ZYG11B: variants seen among roughly 807,000 people sequenced by gnomAD.
The protein encoded by ZYG11B is zyg-11 family member B, cell cycle regulator, also known as protein zyg-11 homolog B.
In ZYG11B, 36 loss-of-function variants were observed where a neutral mutation model predicts 82.4. The observed-to-expected ratio is 0.44, with a 90% CI of 0.33 to 0.58. The LOEUF (loss-of-function observed/expected upper bound fraction) is 0.58. Ranked by LOEUF, ZYG11B falls within the 20% of genes least tolerant of loss-of-function variation. The probability of loss-of-function intolerance (pLI) is 0.02; values close to 1 mark genes in which losing one functional copy is unlikely to be tolerated. For missense variants in ZYG11B, 552 were observed against 895.6 expected, an observed-to-expected ratio of 0.62 and a Z score of 4.90; for synonymous variants, 303 against 312.8, an observed-to-expected ratio of 0.97 and a Z score of 0.33.
At chr1:52,758,761 A>G (rs955636967) in intron 2 of ZYG11B, among the ~76,000 whole-genome samples, 27 of 152,176 alleles carry the variant, frequency 1.8e-4, no homozygotes, top group Non-Finnish European at 2.6e-4. Context: ...AAAGTTTCTC[A>G]TGCCAGCAGT....
intron 12 of ZYG11B, among the ~76,000 whole-genome samples, chr1:52,814,227 G>T (rs1645206003): frequency 6.6e-6 from 1 of 152,096 alleles, no homozygotes; most frequent in African/African-American, 2.4e-5. Flanking sequence ...CACCATGTTG[G>T]CCAGGCTGGT....
chr1:52,776,086 G>A (rs1442699380), intron 3 of ZYG11B, among the ~76,000 whole-genome samples: 3 of 148,506 alleles, frequency 2.0e-5, no homozygotes, highest in East Asian at 2.0e-4. Flanking sequence ...GGGCGTGGTG[G>A]CGCATGCCTG....
chr1:52,816,079 A>G (rs1288128970), intron 12 of ZYG11B, among the ~76,000 whole-genome samples: 1 of 152,132 alleles, frequency 6.6e-6, no homozygotes, highest in African/African-American at 2.4e-5. Flanking sequence ...TGTTTGGTTC[A>G]TAAATGCTGA....
intron 3 of ZYG11B, among the ~76,000 whole-genome samples, chr1:52,773,618 TA>T (rs1644775270): frequency 1.2e-4 from 3 of 25,822 alleles, no homozygotes; most frequent in Admixed American, 5.1e-4. Flanking sequence ...TATATATATA[TA>T]TATATATATT....
At chr1:52,739,035 G>T (rs1466209685) in intron 1 of ZYG11B, among the ~76,000 whole-genome samples, 1 of 122,964 alleles carries the variant, frequency 8.1e-6, no homozygotes, top group South Asian at 2.6e-4. Flanking sequence ...AGGCTGGAGC[G>T]CAGTGACACG....
At chr1:52,794,451 A>G (rs12047347) in intron 6 of ZYG11B, among the ~76,000 whole-genome samples, 16,370 of 152,184 alleles carry the variant, frequency 0.11, 1,960 homozygotes, top group East Asian at 0.35. Context: ...ATCTACCTGA[A>G]AATAATCATT....
rs1311146117 is a variant in ZYG11B at position 52,823,193 on chromosome 1, C to G, written c.*1564C>G. 2 of 151,982 alleles carry G rather than the reference C, an allele frequency of 1.3e-5. No individual in the cohort carries two copies. The highest frequency in any genetic ancestry group is 1.3e-4 in the Admixed American group (2 of 15,242). The allele number at this position is 151,982 out of a possible 1,614,324, so 9.4% of individuals were successfully genotyped here. A position where few individuals can be genotyped will look rare whatever the true frequency, so the allele number is the denominator to read the frequency against. ...TTAGGTCTGGATGCAGTGGCTCATG[C>G]TTGTAATCCCAGCACTTTGGGAAGC... On this transcript the variant is annotated 3_prime_UTR_variant, in exon 14 of 14. Transcript: ENST00000294353.
At chr1:52,819,767 C>CA (rs1173094475) in intron 13 of ZYG11B, among the ~76,000 whole-genome samples, 1 of 142,546 alleles carries the variant, frequency 7.0e-6, no homozygotes, top group Non-Finnish European at 1.5e-5. Flanking sequence ...GCCTGGGCGA[C>CA]AGAGTGAGAC....
intron 2 of ZYG11B, 71 bp from the exon 3 acceptor site, chr1:52,770,949 A>G (rs540683210): frequency 1.3e-5 from 20 of 1,507,120 alleles, no homozygotes; most frequent in Middle Eastern, 1.9e-4. Flanking sequence ...TTGGAAATGT[A>G]AAGTGTGATG....
chr1:52,797,064 T>TTATATATATAAATTTTTATATATTATATA (rs1645020825), intron 8 of ZYG11B, among the ~76,000 whole-genome samples: 1 of 79,638 alleles, frequency 1.3e-5, no homozygotes, highest in Non-Finnish European at 2.0e-5. Context: ...TTATATATAT[T>TTATATATATAAATTTTTATATATTATATA]TATATATTAT....
chr1:52,736,557 A>G (rs1644380314), intron 1 of ZYG11B, among the ~76,000 whole-genome samples: 1 of 151,970 alleles, frequency 6.6e-6, no homozygotes, highest in African/African-American at 2.4e-5. Flanking sequence ...GGTTCAAGCA[A>G]TTCTCCTGCC....
intron 6 of ZYG11B, among the ~76,000 whole-genome samples, chr1:52,793,029 G>A (rs990894418): frequency 3.0e-4 from 45 of 151,896 alleles, no homozygotes; most frequent in Middle Eastern, 3.4e-3. Flanking sequence ...TAGTAGAGGC[G>A]GGGTTTCACC....
intron 8 of ZYG11B, among the ~76,000 whole-genome samples, chr1:52,797,491 T>A (rs373583804): frequency 1.9e-5 from 1 of 51,958 alleles, no homozygotes. Flanking sequence ...ATATAATATG[T>A]ATAATATATA....
intron 1 of ZYG11B, among the ~76,000 whole-genome samples, chr1:52,745,531 T>C (rs1644468531): frequency 6.6e-6 from 1 of 152,186 alleles, no homozygotes; most frequent in African/African-American, 2.4e-5. Flanking sequence ...ATAGGGGATA[T>C]GGAGATGTAT....
At chr1:52,730,485 T>C (rs1244086771) in intron 1 of ZYG11B, among the ~76,000 whole-genome samples, 3 of 152,140 alleles carry the variant, frequency 2.0e-5, no homozygotes, top group Admixed American at 1.3e-4. Flanking sequence ...TGCTCTATTA[T>C]GTGCAGCTGA....
At chr1:52,794,484 AT>A (rs1407602486) in intron 6 of ZYG11B, among the ~76,000 whole-genome samples, 4 of 152,194 alleles carry the variant, frequency 2.6e-5, no homozygotes, top group Non-Finnish European at 5.9e-5. Flanking sequence ...ATTAAACATT[AT>A]TTATGTTTCG....
rs1644943617 is a variant in ZYG11B, at chr1:52,790,033, A to G, written c.1300A>G (p.Ser434Gly). 1 of 1,595,338 alleles carries G rather than the reference A, an allele frequency of 6.3e-7. No individual in the cohort carries two copies. The highest frequency in any genetic ancestry group is 1.3e-5 in the African/African-American group (1 of 74,690). ...GAAGAATTGCCTCCTTTCACTTTGCAGTGACCGGATCCTTCAAGATGTTCC... is the reference window on the plus strand; with the variant it reads ...GAAGAATTGCCTCCTTTCACTTTGCGGTGACCGGATCCTTCAAGATGTTCC... ...LQKNCLLSLC[S>G]DRILQDVPFN... is the part of the protein sequence containing the mutation. The change falls in exon 6 of 14, where the codon AGT becomes GGT. Residue 434 changes from serine (S) to glycine (G), a missense_variant. Coordinates refer to ENST00000294353, the MANE Select transcript of ZYG11B (RefSeq NM_024646.3).
intron 10 of ZYG11B, among the ~76,000 whole-genome samples, chr1:52,807,166 C>A (rs923480253): frequency 2.0e-5 from 3 of 151,812 alleles, no homozygotes; most frequent in African/African-American, 7.3e-5. Flanking sequence ...CCACCGCGCC[C>A]GGCCTTTTTT....
intron 1 of ZYG11B, among the ~76,000 whole-genome samples, chr1:52,754,165 A>G (rs1476372789): frequency 6.6e-6 from 1 of 150,500 alleles, no homozygotes; most frequent in Non-Finnish European, 1.5e-5. Context: ...AGCTGGGACT[A>G]CAGACACCTA....
Sources: gnomAD v4.1 joint callset for allele counts (sites outside exome capture counted in the v4.1 genomes callset) on GRCh38, gnomAD v4.1.1 for gene constraint, MANE v1.5 for transcripts, NCBI Gene and HGNC (gene_info 2026-07-23, HGNC 2026-07-21) for gene names.